The following KCNH8 variants were observed in gnomAD, a reference collection of about 807,000 sequenced individuals.
KCNH8 encodes the protein potassium voltage-gated channel subfamily H member 8.
Under a neutral mutation model 103.6 loss-of-function variants are expected in KCNH8, and 70 were observed. The observed-to-expected ratio is 0.68, with a 90% CI of 0.56 to 0.82. The LOEUF is 0.82. Ranked by LOEUF, KCNH8 falls within the 40% of genes least tolerant of loss-of-function variation. The pLI, the probability that KCNH8 is intolerant of heterozygous loss-of-function variation, is 0.00. For synonymous variants in KCNH8, 498 were observed against 489.4 expected, an observed-to-expected ratio of 1.02 and a Z score of -0.23; for missense variants, 1,217 against 1,329.9, an observed-to-expected ratio of 0.92 and a Z score of 1.32.
Position 19,281,304 on chromosome 3 carries a change from G to A in KCNH8, c.417G>A (p.Lys139=), listed in dbSNP as rs1175121648. 1 of 1,607,554 alleles carries A rather than the reference G, an allele frequency of 6.2e-7. No homozygotes were observed. ...AAGATATAACAGATACAAAAGTGAA[G>A]ATTACTCCAGAAGATAAAAAAGAAG... ...SFKDITDTKV[K]ITPEDKKEDK... The change falls in exon 3 of 16, where the codon AAG becomes AAA. Residue 139 remains lysine (K), a synonymous_variant. Coordinates refer to ENST00000328405, the MANE Select transcript of KCNH8 (RefSeq NM_144633.3).
chr3:19,416,176 T>C (rs2066860543), intron 7 of KCNH8, among the ~76,000 whole-genome samples: 1 of 152,122 alleles, frequency 6.6e-6, no homozygotes, highest in Admixed American at 6.5e-5. Context: ...TTGGTTTACA[T>C]GATACTGATT....
intron 2 of KCNH8, among the ~76,000 whole-genome samples, chr3:19,258,943 CTCTCTATATATATATA>C (rs1383097530): frequency 8.6e-4 from 46 of 53,418 alleles, no homozygotes; most frequent in African/African-American, 2.9e-3. Context: ...CTCTCTCTCT[CTCTCTATATATATATA>C]TATATATATA....
At chr3:19,441,532 G>A (rs189829339) in intron 8 of KCNH8, among the ~76,000 whole-genome samples, 12 of 152,246 alleles carry the variant, frequency 7.9e-5, no homozygotes, top group Admixed American at 6.5e-4. Flanking sequence ...CACACAACCA[G>A]TTAGTAAAGA....
intron 1 of KCNH8, among the ~76,000 whole-genome samples, chr3:19,196,572 C>A (rs942017003): frequency 2.0e-5 from 3 of 151,888 alleles, no homozygotes; most frequent in African/African-American, 7.3e-5. Flanking sequence ...AAAATAATTA[C>A]AACTCTGTAA....
chr3:19,337,011 G>A (rs1055543927), intron 3 of KCNH8, among the ~76,000 whole-genome samples: 2 of 151,922 alleles, frequency 1.3e-5, no homozygotes, highest in Non-Finnish European at 2.9e-5. Flanking sequence ...TTCCTGCCTA[G>A]GAGAGATCCA....
Position 19,518,161 on chromosome 3 carries a change from T to C in KCNH8, c.2619+87T>C, listed in dbSNP as rs141450557. On this transcript the variant is annotated intron_variant, in intron 15 of 15. Coordinates refer to ENST00000328405, the MANE Select transcript of KCNH8 (RefSeq NM_144633.3). ...CGCAGAAGCAGTGTAATATAGTAGT[T>C]ACAAGCATGCATTCCAGAATGAGAC... 6,153 of 1,001,772 alleles carry C rather than the reference T, an allele frequency of 6.1e-3. 44 individuals carry two copies. Among genetic ancestry groups the C allele is most frequent in the South Asian group, 0.017 (1,210 of 69,150 alleles). 62.1% of individuals were successfully genotyped at this position (1,001,772 alleles called of 1,614,324 possible).
At chr3:19,514,980 A>G (rs912519889) in intron 13 of KCNH8, among the ~76,000 whole-genome samples, 6 of 151,826 alleles carry the variant, frequency 4.0e-5, no homozygotes, top group African/African-American at 1.2e-4. Context: ...AAGCGTGATA[A>G]AAGTGAAATT....
intron 11 of KCNH8, among the ~76,000 whole-genome samples, chr3:19,469,548 T>G (rs1384270729): frequency 6.6e-6 from 1 of 152,124 alleles, no homozygotes; most frequent in Non-Finnish European, 1.5e-5. Flanking sequence ...CAAGTGATTC[T>G]CCTGCCTCAG....
chr3:19,360,414 C>T (rs568756004), intron 5 of KCNH8, among the ~76,000 whole-genome samples: 20 of 152,130 alleles, frequency 1.3e-4, no homozygotes, highest in African/African-American at 4.1e-4. Context: ...ATCTTTCTCC[C>T]TGTTTTTATA....
chr3:19,148,772 T>C lies in KCNH8; in HGVS notation c.53T>C (p.Ile18Thr). 1 of 1,614,126 alleles carries C rather than the reference T, an allele frequency of 6.2e-7. No individual in the cohort carries two copies. Among genetic ancestry groups the C allele is most frequent in the Non-Finnish European group, 8.5e-7 (1 of 1,179,984 alleles). The change falls in exon 1 of 16, where the codon ATC becomes ACC. Residue 18 changes from isoleucine to threonine, a missense_variant. Ile to Thr is a moderately conservative substitution (Grantham distance 89). This residue lies in a region of KCNH8 where 244 missense variants were observed against 256.8 expected (regional missense o/e 0.95). Coordinates refer to ENST00000328405, the MANE Select transcript of KCNH8 (RefSeq NM_144633.3). ...LAPQNTFLDT[I>T]ATRFDGTHSN... is the part of the protein sequence containing the mutation. ...CCGCAAAACACCTTCCTGGACACCA[T>C]CGCCACCCGTTTTGACGGAACACGT...
chr3:19,298,733 T>C (rs935204964), intron 3 of KCNH8, among the ~76,000 whole-genome samples: 18 of 151,706 alleles, frequency 1.2e-4, no homozygotes, highest in Non-Finnish European at 2.2e-4. Flanking sequence ...CCATCCTGGC[T>C]AACATGGTGA....
At chr3:19,400,072 T>C (rs1388929078) in intron 7 of KCNH8, among the ~76,000 whole-genome samples, 1 of 151,532 alleles carries the variant, frequency 6.6e-6, no homozygotes, top group Non-Finnish European at 1.5e-5. Flanking sequence ...AAGAATTCAA[T>C]TGGCCAAGCT....
intron 11 of KCNH8, among the ~76,000 whole-genome samples, chr3:19,485,586 T>C (rs1270908886): frequency 6.6e-6 from 1 of 152,210 alleles, no homozygotes; most frequent in Non-Finnish European, 1.5e-5. Flanking sequence ...CCTTCCTATC[T>C]GGCAGTCTGA....
Position 19,534,389 on chromosome 3 carries a change from T to C in KCNH8, c.*290T>C. On this transcript the variant is annotated 3_prime_UTR_variant, in exon 16 of 16. Transcript: ENST00000328405. ...TGAGGGTCTGAGCAGCTAGAAGTCCTAGACAAAGAACTTGTGGATGACTTT... is the reference window on the plus strand; with the variant it reads ...TGAGGGTCTGAGCAGCTAGAAGTCCCAGACAAAGAACTTGTGGATGACTTT... 1 of 395,564 alleles carries C rather than the reference T, an allele frequency of 2.5e-6. No homozygotes were observed. The highest frequency in any genetic ancestry group is 4.5e-6 in the Non-Finnish European group (1 of 222,064). The allele number at this position is 395,564 out of a possible 1,614,324, so 24.5% of individuals were successfully genotyped here.
At chr3:19,235,940 A>C (rs543898926) in intron 1 of KCNH8, among the ~76,000 whole-genome samples, 1 of 152,246 alleles carries the variant, frequency 6.6e-6, no homozygotes, top group Non-Finnish European at 1.5e-5. Context: ...GATAAAACAG[A>C]TTTCAACATA....
chr3:19,390,851 A>G lies in KCNH8; in HGVS notation c.969+213A>G, dbSNP rs188775774. ...ATTAGCTGTTCATGCTTTTTTCAAT[A>G]CCTGGAGCCAGGAAACACAGAAATG... is the stretch of plus-strand genomic sequence containing the variant. On this transcript the variant is annotated intron_variant, in intron 6 of 15. Coordinates refer to ENST00000328405, the MANE Select transcript of KCNH8 (RefSeq NM_144633.3). 4.1e-3 allele frequency among the ~76,000 whole-genome samples: 624 copies of G among 152,208 alleles called. 5 individuals carry two copies. Among genetic ancestry groups the G allele is most frequent in the South Asian group, 0.017 (82 of 4,820 alleles).
Position 19,253,780 on chromosome 3 carries a change from A to G in KCNH8, c.203A>G (p.Lys68Arg), listed in dbSNP as rs1172451445. Residue 68 changes from lysine (K) to arginine (R), a missense_variant, in exon 2 of 16, where the codon AAG becomes AGG. Physicochemically the swap from Lys to Arg is conservative, Grantham distance 26. Transcript: ENST00000328405. ...TEVMQKSCSC[K>R]FLFGVETNEQ... is the part of the protein sequence containing the mutation. ...GTCATGCAGAAGAGTTGTAGCTGCA[A>G]GTTCTTATTTGGGGTTGAAACCAAT... The G allele has an allele frequency of 3.1e-6, 5 of 1,613,798 alleles. No individual in the cohort carries two copies. Among genetic ancestry groups the G allele is most frequent in the Non-Finnish European group, 4.2e-6 (5 of 1,179,916 alleles).
In KCNH8 at chr3:19,511,036, G is replaced by A. The variant is rs965761420; in HGVS notation, c.2079+635G>A. ...ATACTTTAAGTTCTGGGTTACATGT[G>A]CAGAATGTTCAGTTTTGTTACATAG... On this transcript the variant is annotated intron_variant, in intron 12 of 15. Transcript: ENST00000328405. Among the ~76,000 whole-genome samples the A allele has an allele frequency of 3.3e-5, 5 of 152,128 alleles. No individual in the cohort carries two copies. In the East Asian group the frequency reaches 9.6e-4, roughly 29 times the overall value.
chr3:19,354,203 A>G (rs893803486), intron 5 of KCNH8, among the ~76,000 whole-genome samples: 20 of 152,202 alleles, frequency 1.3e-4, no homozygotes, highest in African/African-American at 4.6e-4. Context: ...AAGGAGAACT[A>G]CAAACCACTG....
Sources: allele counts gnomAD v4.1 joint callset (sites outside exome capture counted in the v4.1 genomes callset), GRCh38; gene constraint gnomAD v4.1.1; regional missense constraint gnomAD v4.1.1; transcripts MANE v1.5; gene names NCBI Gene and HGNC (gene_info 2026-07-23, HGNC 2026-07-21).